The following TCF4 variants were observed in gnomAD, a reference collection of about 807,000 sequenced individuals.
The protein encoded by TCF4 is SL3-3 enhancer factor 2.
TCF4 carries 3 observed loss-of-function variants against 82.1 expected under a neutral mutation model. The observed-to-expected ratio is 0.04, with a 90% CI of 0.02 to 0.09. The LOEUF is 0.09. Ranked by LOEUF, TCF4 falls within the 10% of genes least tolerant of loss-of-function variation. The pLI is 1.00. For missense variants in TCF4, 518 were observed against 852.7 expected, an observed-to-expected ratio of 0.61 and a Z score of 4.89; for synonymous variants, 276 against 309.6, an observed-to-expected ratio of 0.89 and a Z score of 1.14.
intron 5 of TCF4, among the ~76,000 whole-genome samples, chr18:55,459,331 A>T (rs1459487923): frequency 6.6e-6 from 1 of 152,244 alleles, no homozygotes; most frequent in East Asian, 1.9e-4. Flanking sequence ...ACATGAACAG[A>T]ACAATCATTT....
chr18:55,554,517 C>T (rs567348412), intron 3 of TCF4, among the ~76,000 whole-genome samples: 1 of 152,136 alleles, frequency 6.6e-6, no homozygotes, highest in East Asian at 1.9e-4. Flanking sequence ...GCCTTATATT[C>T]GTGTGTACTC....
At chr18:55,281,588 A>C (rs1333427396) in intron 8 of TCF4, among the ~76,000 whole-genome samples, 1 of 152,134 alleles carries the variant, frequency 6.6e-6, no homozygotes, top group Admixed American at 6.5e-5. Flanking sequence ...GTTTTAAAAC[A>C]ATTAAAATCA....
chr18:55,251,932 T>TTTTG (rs201599587), intron 15 of TCF4, among the ~76,000 whole-genome samples: 3 of 143,340 alleles, frequency 2.1e-5, no homozygotes, highest in Non-Finnish European at 3.1e-5. Context: ...GGGATGAGGT[T>TTTTG]TTTTTTTTTT....
intron 5 of TCF4, among the ~76,000 whole-genome samples, chr18:55,456,135 C>A (rs77487733): frequency 6.6e-6 from 1 of 152,148 alleles, no homozygotes; most frequent in Admixed American, 6.5e-5. Context: ...GCGGTGGAAC[C>A]GAATTATAAT....
intron 3 of TCF4, among the ~76,000 whole-genome samples, chr18:55,478,855 A>C (rs1426859460): frequency 9.1e-6 from 1 of 109,350 alleles, no homozygotes; most frequent in South Asian, 2.6e-4. Context: ...AAAATTAAAA[A>C]TGTTCAAACT....
chr18:55,475,667 C>T (rs2096274774), intron 3 of TCF4, among the ~76,000 whole-genome samples: 1 of 152,208 alleles, frequency 6.6e-6, no homozygotes, highest in Admixed American at 6.5e-5. Flanking sequence ...ATCACAGCTT[C>T]CTATTTCCTT....
chr18:55,565,182 T>A (rs1247841476), intron 3 of TCF4, among the ~76,000 whole-genome samples: 5 of 152,026 alleles, frequency 3.3e-5, no homozygotes, highest in African/African-American at 1.2e-4. Context: ...ACTAGTTTCA[T>A]TGGAATAAAT....
intron 2 of TCF4, 43 bp downstream of exon 2, chr18:55,586,998 TTTTG>T (rs1232761732): frequency 1.3e-6 from 2 of 1,565,506 alleles, no homozygotes; most frequent in Admixed American, 1.7e-5. Flanking sequence ...TGGGTTTTTG[TTTTG>T]TTTTTTTCAC....
At chr18:55,278,045 G>A (rs1023164039) in intron 9 of TCF4, among the ~76,000 whole-genome samples, 1 of 152,114 alleles carries the variant, frequency 6.6e-6, no homozygotes, top group East Asian at 1.9e-4. Context: ...TCTATTATGC[G>A]TGGAACAAAT....
At chr18:55,302,528 T>A (rs1054171307) in intron 8 of TCF4, 10 of 1,535,928 alleles carry the variant, frequency 6.5e-6, no homozygotes, top group East Asian at 2.4e-5. Flanking sequence ...GCTGACAGCA[T>A]CAGAACTTCA....
At chr18:55,547,089 T>G (rs1469465271) in intron 3 of TCF4, among the ~76,000 whole-genome samples, 3 of 152,218 alleles carry the variant, frequency 2.0e-5, no homozygotes, top group Non-Finnish European at 4.4e-5. Flanking sequence ...TCACCAGTAC[T>G]TTAAAACAGA....
chr18:55,451,834 TTCCC>T (rs2144390115), intron 5 of TCF4, among the ~76,000 whole-genome samples: 1 of 152,232 alleles, frequency 6.6e-6, no homozygotes, highest in African/African-American at 2.4e-5. Flanking sequence ...AGAAACCATC[TTCCC>T]AAGGAAAGAC....
intron 2 of TCF4, among the ~76,000 whole-genome samples, chr18:55,621,925 CTATATACTATATATACACTA>C (rs1167818130): frequency 0.015 from 639 of 42,008 alleles, 7 homozygotes; most frequent in Middle Eastern, 0.02. Context: ...TATATATACA[CTATATACTATATATACACTA>C]TATATATTAT....
At chr18:55,301,355 T>C (rs953284677) in intron 8 of TCF4, among the ~76,000 whole-genome samples, 1 of 152,214 alleles carries the variant, frequency 6.6e-6, no homozygotes, top group African/African-American at 2.4e-5. Flanking sequence ...TCTGCATGTA[T>C]ATATTTTCTT....
intron 8 of TCF4, among the ~76,000 whole-genome samples, 181 bp downstream of exon 8, chr18:55,350,178 G>A (rs1012291752): frequency 2.0e-5 from 3 of 152,146 alleles, no homozygotes; most frequent in Non-Finnish European, 4.4e-5. Flanking sequence ...TCCAGGATGT[G>A]CAATTAATCA....
chr18:55,312,345 T>C (rs1306265467), intron 8 of TCF4, among the ~76,000 whole-genome samples: 1 of 152,160 alleles, frequency 6.6e-6, no homozygotes, highest in East Asian at 1.9e-4. Context: ...AGATTAAAAA[T>C]GTATTAAAGA....
chr18:55,271,455 A>G (rs1001524715), intron 10 of TCF4, among the ~76,000 whole-genome samples: 4 of 152,152 alleles, frequency 2.6e-5, no homozygotes, highest in Non-Finnish European at 5.9e-5. Context: ...CTTATTTGAG[A>G]GCCAACTAGT....
intron 5 of TCF4, among the ~76,000 whole-genome samples, chr18:55,408,373 TG>T (rs1264697628): frequency 6.6e-6 from 1 of 152,146 alleles, no homozygotes; most frequent in African/African-American, 2.4e-5. Flanking sequence ...ATCATAAACA[TG>T]TTTGACTCAG....
At chr18:55,498,516 G>A (rs536294178) in intron 3 of TCF4, among the ~76,000 whole-genome samples, 1 of 152,320 alleles carries the variant, frequency 6.6e-6, no homozygotes, top group Non-Finnish European at 1.5e-5. Context: ...TTACGAGCGT[G>A]AGACCAACCA....
Sources: gnomAD v4.1 joint callset for allele counts (sites outside exome capture counted in the v4.1 genomes callset) on GRCh38, gnomAD v4.1.1 for gene constraint, MANE v1.5 for transcripts, NCBI Gene and HGNC (gene_info 2026-07-23, HGNC 2026-07-21) for gene names.